Variants in LIN54 observed in about 807,000 individuals in gnomAD.
LIN54 encodes lin-54 DREAM MuvB core complex component, also known as protein lin-54 homolog.
Under a neutral mutation model 78.7 loss-of-function variants are expected in LIN54, and 9 were observed. The observed-to-expected ratio is 0.11, with a 90% CI of 0.07 to 0.20. The LOEUF is 0.20. LIN54 is among the 10% of genes least tolerant of loss of function. The pLI is 1.00. For synonymous variants in LIN54, 269 were observed against 318.4 expected (o/e 0.84, Z 1.65); for missense variants, 573 against 889.9 (o/e 0.64, Z 4.53).
chr4:82,989,559 T>G (rs6841049), intron 1 of LIN54, among the ~76,000 whole-genome samples: 69,405 of 151,944 alleles, frequency 0.46, 17,784 homozygotes, highest in Admixed American at 0.59. Flanking sequence ...AACAGAACCA[T>G]AAAAGTTTGA....
upstream of LIN54, among the ~76,000 whole-genome samples, chr4:83,011,455 G>A (rs1729849441): frequency 6.6e-6 from 1 of 151,946 alleles, no homozygotes; most frequent in South Asian, 2.1e-4. Context: ...GGTTTAAGAC[G>A]TCAAAGCGCA....
At chr4:83,004,494 T>C (rs1729156970) in intron 1 of LIN54, among the ~76,000 whole-genome samples, 1 of 144,366 alleles carries the variant, frequency 6.9e-6, no homozygotes. Context: ...AAGAAATACA[T>C]TTTTGTTTTG....
intron 4 of LIN54, among the ~76,000 whole-genome samples, chr4:82,949,845 C>CTTT (rs370091580): frequency 0.011 from 1,450 of 126,410 alleles, 29 homozygotes; most frequent in Middle Eastern, 0.06. Context: ...TTTATTTTTG[C>CTTT]TTTTTTTTTT....
At chr4:82,964,227 T>C (rs927997911) in intron 4 of LIN54, among the ~76,000 whole-genome samples, 1 of 152,132 alleles carries the variant, frequency 6.6e-6, no homozygotes, top group African/African-American at 2.4e-5. Flanking sequence ...ATTTTTGTAT[T>C]TTTAGTAGAG....
intron 7 of LIN54, 93 bp from the exon 8 acceptor site, chr4:82,938,597 T>C: frequency 1.4e-6 from 1 of 706,074 alleles, no homozygotes; most frequent in Non-Finnish European, 2.5e-6. Flanking sequence ...AATTCATCCA[T>C]TAAGATAAGA....
intron 1 of LIN54, among the ~76,000 whole-genome samples, chr4:82,988,374 G>A (rs1727354914): frequency 6.6e-6 from 1 of 152,008 alleles, no homozygotes; most frequent in Admixed American, 6.6e-5. Context: ...TTTTACTGCT[G>A]AGTAATATTC....
intron 1 of LIN54, among the ~76,000 whole-genome samples, chr4:82,992,832 T>C (rs541383642): frequency 3.0e-4 from 45 of 151,796 alleles, no homozygotes; most frequent in African/African-American, 1.1e-3. Flanking sequence ...ATTGAGACCA[T>C]CCTGGTTAAC....
At chr4:82,968,039 T>G (rs891628502) in intron 4 of LIN54, among the ~76,000 whole-genome samples, 6 of 151,702 alleles carry the variant, frequency 4.0e-5, no homozygotes, top group Admixed American at 3.9e-4. Flanking sequence ...TGTTTTTGTT[T>G]TTTGTTTTTT....
chr4:82,961,025 A>C (rs1344371489), intron 4 of LIN54, among the ~76,000 whole-genome samples: 1 of 152,026 alleles, frequency 6.6e-6, no homozygotes, highest in African/African-American at 2.4e-5. Flanking sequence ...ACGCCACTGC[A>C]CTCCAGCCTG....
intron 2 of LIN54, among the ~76,000 whole-genome samples, chr4:82,981,660 A>C (rs1726655846): frequency 6.6e-6 from 1 of 152,176 alleles, no homozygotes; most frequent in South Asian, 2.1e-4. Flanking sequence ...TACAAGTAAA[A>C]AAAATTCTAA....
chr4:83,012,118 C>A, upstream of LIN54: 1 of 724,334 alleles, frequency 1.4e-6, no homozygotes, highest in Non-Finnish European at 1.7e-6. Flanking sequence ...TGCAGACTAC[C>A]AGATGCTGAG....
At chr4:83,009,901 G>C (rs1169949607) in intron 1 of LIN54, among the ~76,000 whole-genome samples, 2 of 152,160 alleles carry the variant, frequency 1.3e-5, no homozygotes, top group Non-Finnish European at 2.9e-5. Flanking sequence ...GGGCAGGAGG[G>C]TGAGTATAGA....
At chr4:82,982,592 C>A (rs965630015) in intron 2 of LIN54, among the ~76,000 whole-genome samples, 2 of 151,990 alleles carry the variant, frequency 1.3e-5, no homozygotes, top group African/African-American at 2.4e-5. Context: ...CTTTGGTAAA[C>A]CAATAAAAAC....
chr4:82,999,633 C>T (rs1728562881), intron 1 of LIN54, among the ~76,000 whole-genome samples: 3 of 151,818 alleles, frequency 2.0e-5, no homozygotes, highest in Non-Finnish European at 2.9e-5. Context: ...CAAAAATTAG[C>T]TGTGCACGGT....
intron 1 of LIN54, among the ~76,000 whole-genome samples, chr4:83,006,145 G>C (rs1729342199): frequency 7.7e-6 from 1 of 129,090 alleles, no homozygotes; most frequent in Non-Finnish European, 1.8e-5. Flanking sequence ...CGTAGGGAGG[G>C]GATCAATGGT....
chr4:82,959,687 G>A (rs1724633153), intron 4 of LIN54, among the ~76,000 whole-genome samples: 1 of 149,942 alleles, frequency 6.7e-6, no homozygotes, highest in South Asian at 2.1e-4. Flanking sequence ...CTAGATAGAT[G>A]ATGACACAAA....
intron 3 of LIN54, among the ~76,000 whole-genome samples, chr4:82,972,319 T>C (rs558619197): frequency 4.6e-5 from 7 of 152,314 alleles, no homozygotes; most frequent in African/African-American, 1.7e-4. Flanking sequence ...TCCCCATCTA[T>C]GAATTTTTAA....
chr4:82,993,622 CTTTG>C (rs763758309), intron 1 of LIN54, among the ~76,000 whole-genome samples: 38 of 151,730 alleles, frequency 2.5e-4, no homozygotes, highest in East Asian at 1.7e-3. Context: ...TTGTTTGTTT[CTTTG>C]TTTGTTTTTG....
chr4:82,972,756 G>A (rs1469596754), intron 3 of LIN54, among the ~76,000 whole-genome samples: 1 of 152,132 alleles, frequency 6.6e-6, no homozygotes, highest in Non-Finnish European at 1.5e-5. Flanking sequence ...GCCGAGGCAG[G>A]TGGATCACGA....
Sources: gnomAD v4.1 joint callset for allele counts (sites outside exome capture counted in the v4.1 genomes callset) on GRCh38, gnomAD v4.1.1 for gene constraint, MANE v1.5 for transcripts, NCBI Gene and HGNC (gene_info 2026-07-23, HGNC 2026-07-21) for gene names.